UBE2D1: variants seen among roughly 807,000 people sequenced by gnomAD.
UBE2D1 encodes ubiquitin-conjugating enzyme E2 D1.
In UBE2D1, 9 loss-of-function variants were observed where a neutral mutation model predicts 24.6. That is an observed-to-expected ratio of 0.37 (90% CI 0.22 to 0.64). The LOEUF is 0.64. Among genes scored for constraint, UBE2D1 ranks in the 30% least tolerant of loss-of-function variants. UBE2D1 has a pLI of 0.64. For missense variants in UBE2D1, 87 were observed against 177.1 expected (o/e 0.49, Z 2.89); for synonymous variants, 57 against 57.6 (o/e 0.99, Z 0.04).
intron 1 of UBE2D1, among the ~76,000 whole-genome samples, chr10:58,337,576 A>G (rs1273609659): frequency 6.6e-6 from 1 of 152,088 alleles, no homozygotes; most frequent in East Asian, 1.9e-4. Flanking sequence ...CTGTACCTAT[A>G]GATGGTGGCA....
At chr10:58,342,515 T>C (rs896224235) in intron 1 of UBE2D1, among the ~76,000 whole-genome samples, 42 of 152,170 alleles carry the variant, frequency 2.8e-4, no homozygotes, top group African/African-American at 1.0e-3. Flanking sequence ...GAAAACCAAG[T>C]GGACCTAACA....
intron 1 of UBE2D1, among the ~76,000 whole-genome samples, chr10:58,346,944 C>G (rs1840023788): frequency 6.6e-6 from 1 of 152,132 alleles, no homozygotes; most frequent in Non-Finnish European, 1.5e-5. Flanking sequence ...ACCACCTGGC[C>G]CTTTTGAGTT....
At chr10:58,347,629 A>G (rs1211388876) in intron 1 of UBE2D1, among the ~76,000 whole-genome samples, 1 of 150,386 alleles carries the variant, frequency 6.6e-6, no homozygotes, top group African/African-American at 2.5e-5. Flanking sequence ...CTTTTATTCT[A>G]AATTACACTC....
intron 1 of UBE2D1, among the ~76,000 whole-genome samples, chr10:58,340,601 G>A (rs1839951758): frequency 1.3e-5 from 2 of 152,196 alleles, no homozygotes; most frequent in South Asian, 4.1e-4. Context: ...TTAGTGGAGA[G>A]AGTGTTATTT....
At chr10:58,340,661 A>G (rs1399030201) in intron 1 of UBE2D1, among the ~76,000 whole-genome samples, 5 of 152,192 alleles carry the variant, frequency 3.3e-5, no homozygotes. Context: ...CTAGGATAGC[A>G]AATAAAATCT....
rs1840294806 is a variant in UBE2D1 at position 58,369,804 on chromosome 10, G to A, written c.*1039G>A. The A allele has an allele frequency of 6.6e-6, 1 of 151,944 alleles. No homozygotes were observed. The highest frequency in any genetic ancestry group is 1.5e-5 in the Non-Finnish European group (1 of 67,810). The allele number at this position is 151,944 out of a possible 1,614,324, so 9.4% of individuals were successfully genotyped here. ...TAATATATGTTGATCCCTTGCTGTA[G>A]AGGAGAATTTAGAGTAATTTGGGGT... On this transcript the variant is annotated 3_prime_UTR_variant, in exon 7 of 7. Coordinates refer to ENST00000373910, the MANE Select transcript of UBE2D1 (RefSeq NM_003338.5).
At chr10:58,336,375 A>G (rs1166580917) in intron 1 of UBE2D1, among the ~76,000 whole-genome samples, 1 of 152,220 alleles carries the variant, frequency 6.6e-6, no homozygotes, top group Non-Finnish European at 1.5e-5. Flanking sequence ...GGAGTCCATT[A>G]TAGCAATAGT....
chr10:58,338,067 G>C (rs1311777737), intron 1 of UBE2D1, among the ~76,000 whole-genome samples: 1 of 151,884 alleles, frequency 6.6e-6, no homozygotes, highest in Admixed American at 6.6e-5. Flanking sequence ...GGCTGGTCTC[G>C]AACTCCTGAG....
rs764123957 is a variant in UBE2D1 at position 58,370,416 on chromosome 10, ATG to A, written c.*1655_*1656del. On this transcript the variant is annotated 3_prime_UTR_variant, in exon 7 of 7. Transcript: ENST00000373910. ...ACAAAATAACCTATTGTTAGAAAAT[ATG>A]TGTTTTTATAAATGAATGTAAAATA... 6.6e-6 allele frequency: 1 copy of A among 152,618 alleles called. No homozygotes were observed. The highest frequency in any genetic ancestry group is 2.4e-5 in the African/African-American group (1 of 41,430). 9.5% of individuals were successfully genotyped at this position (152,618 alleles called of 1,614,324 possible). A position where few individuals can be genotyped will look rare whatever the true frequency, so the allele number is the denominator to read the frequency against.
In UBE2D1 at chr10:58,349,544, A is replaced by G. The variant is rs114716776; in HGVS notation, c.25-11794A>G. ...ATGAATTCTTTTCATATACAGATTT[A>G]TTACTAGTCTTATTATTTGATAGCC... is the stretch of plus-strand genomic sequence containing the variant. On this transcript the variant is annotated intron_variant, in intron 1 of 6. Coordinates refer to ENST00000373910, the MANE Select transcript of UBE2D1 (RefSeq NM_003338.5). Among the ~76,000 whole-genome samples the G allele has an allele frequency of 5.2e-3, 799 of 152,304 alleles. 5 individuals are homozygous for G. The highest frequency in any genetic ancestry group is 0.018 in the African/African-American group (762 of 41,570).
intron 3 of UBE2D1, among the ~76,000 whole-genome samples, chr10:58,361,813 T>A (rs935871581): frequency 5.0e-4 from 75 of 151,158 alleles, no homozygotes; most frequent in Non-Finnish European, 8.1e-4. Context: ...TTTTTTTTTT[T>A]AAGTCACAGA....
chr10:58,350,123 G>A (rs1564559379), intron 1 of UBE2D1, among the ~76,000 whole-genome samples: 3 of 152,128 alleles, frequency 2.0e-5, no homozygotes, highest in Admixed American at 2.0e-4. Flanking sequence ...TGGCACTTTG[G>A]CATGCATATT....
intron 1 of UBE2D1, among the ~76,000 whole-genome samples, chr10:58,358,372 G>T (rs1484688047): frequency 6.6e-6 from 1 of 152,116 alleles, no homozygotes; most frequent in Non-Finnish European, 1.5e-5. Flanking sequence ...TCTCCTAAAA[G>T]CCCAAATTAG....
In UBE2D1 at chr10:58,370,068, T is replaced by C. The variant is rs994577206; in HGVS notation, c.*1303T>C. 11 of 151,640 alleles carry C rather than the reference T, an allele frequency of 7.3e-5. No homozygotes were observed. The highest frequency in any genetic ancestry group is 2.4e-4 in the African/African-American group (10 of 41,282). The allele number at this position is 151,640 out of a possible 1,614,324, so 9.4% of individuals were successfully genotyped here. ...AAAAACTTTTTTTTTTTTTTTACTA[T>C]AGAAGTTACAAAGGAAGTTCTAAAA... On this transcript the variant is annotated 3_prime_UTR_variant, in exon 7 of 7. Transcript: ENST00000373910.
chr10:58,366,831 C>G (rs1017500519), intron 5 of UBE2D1, among the ~76,000 whole-genome samples: 1 of 152,084 alleles, frequency 6.6e-6, no homozygotes, highest in South Asian at 2.1e-4. Context: ...ATTCTTCCAC[C>G]TCAGCCTCCC....
chr10:58,367,108 T>C (rs926740147), intron 5 of UBE2D1, among the ~76,000 whole-genome samples: 2 of 152,140 alleles, frequency 1.3e-5, no homozygotes, highest in African/African-American at 4.8e-5. Flanking sequence ...GAGTCAACTC[T>C]GCTCTATAAA....
intron 1 of UBE2D1, among the ~76,000 whole-genome samples, chr10:58,346,783 A>G (rs1840022230): frequency 6.6e-6 from 1 of 152,190 alleles, no homozygotes; most frequent in Non-Finnish European, 1.5e-5. Flanking sequence ...CAAGAAGATG[A>G]TTTTGGCAGC....
At chr10:58,359,962 A>G (rs532043477) in intron 1 of UBE2D1, among the ~76,000 whole-genome samples, 2 of 152,242 alleles carry the variant, frequency 1.3e-5, no homozygotes, top group South Asian at 2.1e-4. Flanking sequence ...TTTCTTGCCT[A>G]TGCAGCAACT....
Position 58,354,084 on chromosome 10 carries a change from G to A in UBE2D1, c.25-7254G>A, listed in dbSNP as rs190216679. Among the ~76,000 whole-genome samples, 29 of 152,222 alleles carry A rather than the reference G, an allele frequency of 1.9e-4. No individual in the cohort carries two copies. In the East Asian group the frequency reaches 4.6e-3, roughly 24 times the overall value. ...TTATTAAGCATCTATTATACATGTC[G>A]GGTATTAAGCTAGGTGCTTTACCTA... On this transcript the variant is annotated intron_variant, in intron 1 of 6. Coordinates refer to ENST00000373910, the MANE Select transcript of UBE2D1 (RefSeq NM_003338.5).
Sources: gnomAD v4.1 joint callset for allele counts (sites outside exome capture counted in the v4.1 genomes callset) on GRCh38, gnomAD v4.1.1 for gene constraint, MANE v1.5 for transcripts, NCBI Gene and HGNC (gene_info 2026-07-23, HGNC 2026-07-21) for gene names.